EYS: variants seen among roughly 807,000 people sequenced by gnomAD.
EYS encodes protein eyes shut homolog.
EYS carries 250 observed loss-of-function variants against 282.1 expected under a neutral mutation model. The ratio of observed to expected loss-of-function variants is 0.89; its 90% CI spans 0.80 to 0.98. EYS has a LOEUF of 0.98. Among genes scored for constraint, EYS ranks in the 50% least tolerant of loss-of-function variants. EYS has a pLI of 0.00. For synonymous variants in EYS, 1,355 were observed against 1,282.9 expected (o/e 1.06, Z -1.20); for missense variants, 4,016 against 3,709.0 (o/e 1.08, Z -2.15).
intron 19 of EYS, among the ~76,000 whole-genome samples, chr6:64,845,348 C>T (rs904675151): frequency 5.9e-5 from 9 of 151,930 alleles, no homozygotes; most frequent in African/African-American, 1.9e-4. Flanking sequence ...CTTGGCTCTT[C>T]CCCTTTGTGT....
chr6:64,521,493 ACT>A (rs1777732587), intron 26 of EYS, among the ~76,000 whole-genome samples: 2 of 151,710 alleles, frequency 1.3e-5, no homozygotes, highest in Non-Finnish European at 2.9e-5. Context: ...TACTTAGAGT[ACT>A]AAAGTGGATG....
rs116279840 is a variant in EYS, at chr6:64,565,731, G to T, written c.5644+24492C>A. On this transcript the variant is annotated intron_variant, in intron 26 of 42. Transcript: ENST00000503581. ...GTTGATAATACTGTATTGTATACTT[G>T]AAATTTGCTAAGAGTATATAACTTA... 2.3e-3 allele frequency among the ~76,000 whole-genome samples: 352 copies of T among 152,078 alleles called. 2 individuals carry two copies. Among genetic ancestry groups the T allele is most frequent in the African/African-American group, 8.0e-3 (334 of 41,514 alleles).
chr6:64,666,880 T>C (rs1769250152), intron 22 of EYS, among the ~76,000 whole-genome samples: 1 of 152,214 alleles, frequency 6.6e-6, no homozygotes, highest in South Asian at 2.1e-4. Context: ...AGTCGACTCC[T>C]TTGAGAGTGT....
At position 63,778,063 on chromosome 6, in the gene EYS, C is replaced by A. The variant is rs1770110317; in HGVS notation, c.7841G>T (p.Cys2614Phe). The A allele has an allele frequency of 1.3e-6, 2 of 1,551,686 alleles. No homozygotes were observed. Among genetic ancestry groups the A allele is most frequent in the Non-Finnish European group, 1.7e-6 (2 of 1,146,954 alleles). Reference protein sequence around the residue: ...RSVGQCHASPCSLMKCGNGGT... With the variant: ...RSVGQCHASPFSLMKCGNGGT... ...ACCATTGCCACATTTCATTAAACTGCAGGGAGAAGCATGACACTGGCCAAC... is the reference window on the plus strand; with the variant it reads ...ACCATTGCCACATTTCATTAAACTGAAGGGAGAAGCATGACACTGGCCAAC... The change falls in exon 40 of 43, where the codon TGC (cysteine) becomes TTC (phenylalanine). Residue 2614 changes from cysteine (C) to phenylalanine (F), a missense_variant. Transcript: ENST00000503581.
chr6:64,553,956 G>T (rs1765167433), intron 26 of EYS, among the ~76,000 whole-genome samples: 2 of 151,614 alleles, frequency 1.3e-5, no homozygotes, highest in African/African-American at 2.4e-5. Flanking sequence ...TGTTTTCATT[G>T]CCTTCTTACA....
At chr6:65,612,450 T>C (rs1467316265) in intron 2 of EYS, among the ~76,000 whole-genome samples, 1 of 151,782 alleles carries the variant, frequency 6.6e-6, no homozygotes, top group African/African-American at 2.4e-5. Flanking sequence ...AAATTTATTA[T>C]GCACTGACTA....
chr6:64,748,757 C>T (rs972778012), intron 22 of EYS, among the ~76,000 whole-genome samples: 5 of 152,146 alleles, frequency 3.3e-5, no homozygotes, highest in Non-Finnish European at 7.4e-5. Flanking sequence ...ATGTCACATA[C>T]TATTTAAAAT....
chr6:65,277,810 C>A (rs918930091), intron 12 of EYS, among the ~76,000 whole-genome samples: 1 of 152,098 alleles, frequency 6.6e-6, no homozygotes, highest in African/African-American at 2.4e-5. Flanking sequence ...TCAGACCTAG[C>A]TATTGTCTTC....
chr6:65,356,020 C>T (rs1208921484), intron 8 of EYS, among the ~76,000 whole-genome samples: 1 of 151,992 alleles, frequency 6.6e-6, no homozygotes, highest in East Asian at 1.9e-4. Context: ...AAAGAGATAC[C>T]AGCACAAGTA....
intron 5 of EYS, among the ~76,000 whole-genome samples, chr6:65,469,777 A>T (rs918452712): frequency 7.2e-5 from 11 of 152,034 alleles, no homozygotes; most frequent in Non-Finnish European, 1.6e-4. Context: ...TCCTCAAAAA[A>T]CTTTCTTCCT....
rs539645618 is a variant in EYS, at chr6:65,614,736, T to A, written c.-333+25042A>T. Among the ~76,000 whole-genome samples, 463 of 152,282 alleles carry A rather than the reference T, an allele frequency of 3.0e-3. 5 individuals are homozygous for A. The highest frequency in any genetic ancestry group is 0.011 in the African/African-American group (445 of 41,584). Reference sequence around the variant, plus strand: ...AATGACAGTATTTGTTTTTTATTTGTCATTATTCTTAAATCCTCTAGAGGC... The same window carrying A: ...AATGACAGTATTTGTTTTTTATTTGACATTATTCTTAAATCCTCTAGAGGC... On this transcript the variant is annotated intron_variant, in intron 2 of 42. Coordinates refer to ENST00000503581, the MANE Select transcript of EYS (RefSeq NM_001142800.2).
At position 64,260,044 on chromosome 6, in the gene EYS, C is replaced by T. The variant is rs545495816; in HGVS notation, c.6192-29220G>A. ...AGACTTAATGTTTTACTTCTCTTAG[C>T]GTTAAGTATGTAAATGTGACTTAAG... On this transcript the variant is annotated intron_variant, in intron 30 of 42. Coordinates refer to ENST00000503581, the MANE Select transcript of EYS (RefSeq NM_001142800.2). Among the ~76,000 whole-genome samples, 11 of 151,918 alleles carry T rather than the reference C, an allele frequency of 7.2e-5. No individual in the cohort carries two copies. The South Asian group carries it at 1.5e-3, about 20-fold the overall frequency.
intron 32 of EYS, among the ~76,000 whole-genome samples, chr6:64,072,485 A>T (rs1037942341): frequency 2.6e-5 from 4 of 151,720 alleles, no homozygotes; most frequent in East Asian, 1.9e-4. Context: ...TATAATTAAA[A>T]TTTTTTTGTA....
chr6:64,310,735 G>T (rs1316128715), intron 29 of EYS, among the ~76,000 whole-genome samples: 1 of 150,268 alleles, frequency 6.7e-6, no homozygotes, highest in African/African-American at 2.4e-5. Context: ...ACTTAAAATA[G>T]AAGTTAAAAG....
chr6:65,508,255 G>T (rs1766731291), intron 2 of EYS, among the ~76,000 whole-genome samples: 1 of 152,092 alleles, frequency 6.6e-6, no homozygotes, highest in East Asian at 1.9e-4. Context: ...TGGTACTGAG[G>T]CTCTGTTGGT....
At chr6:64,891,495 A>T (rs545749593) in intron 18 of EYS, among the ~76,000 whole-genome samples, 96 of 152,100 alleles carry the variant, frequency 6.3e-4, no homozygotes, top group Non-Finnish European at 1.3e-3. Flanking sequence ...TTGGCCCTTC[A>T]AAACGTTAAA....
At chr6:65,331,284 A>G (rs1390516704) in intron 11 of EYS, 1 of 636,296 alleles carries the variant, frequency 1.6e-6, no homozygotes, top group Non-Finnish European at 2.0e-6. Flanking sequence ...CATGCATTAT[A>G]TTTCCATTTA....
intron 2 of EYS, among the ~76,000 whole-genome samples, chr6:65,574,063 C>T (rs1005562633): frequency 6.6e-6 from 1 of 152,128 alleles, no homozygotes; most frequent in Non-Finnish European, 1.5e-5. Context: ...GTGGGAGTCC[C>T]TGCGCCCTAG....
chr6:65,436,896 A>T (rs1245254976), intron 5 of EYS, among the ~76,000 whole-genome samples: 1 of 152,156 alleles, frequency 6.6e-6, no homozygotes, highest in Non-Finnish European at 1.5e-5. Flanking sequence ...GAAATTTCTA[A>T]TCAAAACTTA....
Sources: gnomAD v4.1 joint callset for allele counts (sites outside exome capture counted in the v4.1 genomes callset) on GRCh38, gnomAD v4.1.1 for gene constraint, MANE v1.5 for transcripts, NCBI Gene and HGNC (gene_info 2026-07-23, HGNC 2026-07-21) for gene names.